The following SPATA22 variants were observed in gnomAD, a reference collection of about 807,000 sequenced individuals.
The protein encoded by SPATA22 is spermatogenesis-associated protein 22.
Under a neutral mutation model 47.8 loss-of-function variants are expected in SPATA22, and 29 were observed. The observed-to-expected ratio is 0.61, with a 90% CI of 0.45 to 0.83. The LOEUF is 0.83. Ranked by LOEUF, SPATA22 falls within the 40% of genes least tolerant of loss-of-function variation. The pLI is 0.00. For synonymous variants in SPATA22, 133 were observed against 140.9 expected (o/e 0.94, Z 0.40); for missense variants, 410 against 421.7 (o/e 0.97, Z 0.24).
chr17:3,471,761 T>C lies in SPATA22; in HGVS notation c.-153A>G. 4.1e-6 allele frequency: 4 copies of C among 985,674 alleles called. No homozygotes were observed. The highest frequency in any genetic ancestry group is 4.8e-6 in the Non-Finnish European group (4 of 830,144). The allele number at this position is 985,674 out of a possible 1,614,324, so 61.1% of individuals were successfully genotyped here. ...TTTCCCTCGCCTCCGTCAACCGTCGTCCAGGCGGCCCCGTCAGCAACCGCC... is the reference window on the plus strand; with the variant it reads ...TTTCCCTCGCCTCCGTCAACCGTCGCCCAGGCGGCCCCGTCAGCAACCGCC... On this transcript the variant is annotated 5_prime_UTR_variant, in exon 1 of 9. Transcript: ENST00000572969.
At chr17:3,479,931 G>T (rs1356151327) in intron 1 of SPATA22, among the ~76,000 whole-genome samples, 1 of 152,184 alleles carries the variant, frequency 6.6e-6, no homozygotes, top group African/African-American at 2.4e-5. Context: ...ACCATTGTGG[G>T]AAGTGGGGAG....
At chr17:3,461,857 T>C (rs2073132513) in intron 5 of SPATA22, among the ~76,000 whole-genome samples, 1 of 152,232 alleles carries the variant, frequency 6.6e-6, no homozygotes, top group South Asian at 2.1e-4. Context: ...TCCTTCTATA[T>C]TGCCATTTAT....
intron 1 of SPATA22, among the ~76,000 whole-genome samples, chr17:3,491,922 G>T (rs1326303382): frequency 3.9e-5 from 5 of 126,786 alleles, no homozygotes; most frequent in Non-Finnish European, 7.8e-5. Flanking sequence ...CTGTTGCCTA[G>T]GCTGGAGTGC....
At chr17:3,506,482 A>C (rs1160146923) in intron 1 of SPATA22, among the ~76,000 whole-genome samples, 1 of 152,212 alleles carries the variant, frequency 6.6e-6, no homozygotes, top group Non-Finnish European at 1.5e-5. Context: ...GGGGAAAAAA[A>C]TACTAAAGCC....
intron 1 of SPATA22, among the ~76,000 whole-genome samples, chr17:3,509,896 T>G (rs1428007417): frequency 6.6e-6 from 1 of 152,230 alleles, no homozygotes; most frequent in Non-Finnish European, 1.5e-5. Context: ...TGGTTTTGAT[T>G]TGCATTTCTC....
intron 1 of SPATA22, among the ~76,000 whole-genome samples, chr17:3,487,073 CGT>C (rs59690349): frequency 6.6e-6 from 1 of 150,752 alleles, no homozygotes; most frequent in African/African-American, 2.4e-5. Flanking sequence ...TGTGTGTGTG[CGT>C]GTGTGTGTGT....
At chr17:3,480,456 G>A (rs149170739) in intron 1 of SPATA22, among the ~76,000 whole-genome samples, 9 of 152,328 alleles carry the variant, frequency 5.9e-5, no homozygotes, top group South Asian at 2.1e-4. Flanking sequence ...GTCCTCTTGC[G>A]CTGAATCAGT....
At chr17:3,465,266 G>A (rs1372193689) in intron 3 of SPATA22, among the ~76,000 whole-genome samples, 22 of 148,460 alleles carry the variant, frequency 1.5e-4, no homozygotes, top group East Asian at 3.9e-4. Flanking sequence ...CCACCACCCC[G>A]TCTGGGAGGT....
intron 1 of SPATA22, among the ~76,000 whole-genome samples, chr17:3,492,350 A>G (rs1180644052): frequency 1.3e-5 from 2 of 152,230 alleles, no homozygotes; most frequent in African/African-American, 4.8e-5. Context: ...TAGCAAAAAC[A>G]TACTCCTTTG....
At position 3,485,858 on chromosome 17, in the gene SPATA22, T is replaced by C. The variant is rs1448454633; in HGVS notation, c.-73-16460A>G. The stretch of plus-strand genomic sequence containing the variant: ...AGCATTTCTGCACCATTACCCAAGC[T>C]CCAGTTCCCACAGGGTGACATAGAG... On this transcript the variant is annotated intron_variant, in intron 1 of 8. Transcript: ENST00000541913. This position sits in a 1 kb window ranked among gnomAD's most constrained non-coding sequence, Gnocchi z 4.4. 2.6e-5 allele frequency among the ~76,000 whole-genome samples: 4 copies of C among 151,712 alleles called. No individual in the cohort carries two copies. The highest frequency in any genetic ancestry group is 9.7e-5 in the African/African-American group (4 of 41,262).
intron 5 of SPATA22, among the ~76,000 whole-genome samples, chr17:3,457,739 T>C (rs971917037): frequency 1.3e-5 from 2 of 152,280 alleles, no homozygotes; most frequent in Non-Finnish European, 2.9e-5. Flanking sequence ...GTCTCTGCCA[T>C]AAATAGTGTT....
chr17:3,481,627 A>G, intron 1 of SPATA22: 4 of 1,613,762 alleles, frequency 2.5e-6, no homozygotes, highest in Non-Finnish European at 3.4e-6. Context: ...AAGATTTGCC[A>G]TATGAAGTGA....
chr17:3,483,032 TCCAAACCAAGAGG>T (rs1486133450), intron 1 of SPATA22, among the ~76,000 whole-genome samples: 22 of 148,254 alleles, frequency 1.5e-4, no homozygotes, highest in Non-Finnish European at 1.5e-5. Context: ...CACTTTGTTA[TCCAAACCAAGAGG>T]CCTGTCTTCA....
At chr17:3,458,571 G>A (rs896260874) in intron 5 of SPATA22, among the ~76,000 whole-genome samples, 5 of 151,962 alleles carry the variant, frequency 3.3e-5, no homozygotes, top group African/African-American at 2.4e-5. Flanking sequence ...GGCCAGGCAC[G>A]GTGGCTCACA....
intron 5 of SPATA22, among the ~76,000 whole-genome samples, chr17:3,451,390 A>C (rs1469780402): frequency 6.6e-6 from 1 of 152,220 alleles, no homozygotes; most frequent in Non-Finnish European, 1.5e-5. Flanking sequence ...CACTTTTAAT[A>C]ATAGATAAAT....
In SPATA22 at chr17:3,497,708, T is replaced by C. The variant is rs72825811; in HGVS notation, c.-74+15704A>G. 2.6e-3 allele frequency among the ~76,000 whole-genome samples: 403 copies of C among 152,248 alleles called. 3 individuals are homozygous for C. Among genetic ancestry groups the C allele is most frequent in the Non-Finnish European group, 2.0e-3 (139 of 68,022 alleles). On this transcript the variant is annotated intron_variant, in intron 1 of 8. Transcript: ENST00000541913. ...TTCCCAAACACTAATGTCGTGCACG[T>C]GAACGTCAAGGACCTGTTAACATGA...
At chr17:3,506,329 A>G (rs947493041) in intron 1 of SPATA22, among the ~76,000 whole-genome samples, 1 of 152,194 alleles carries the variant, frequency 6.6e-6, no homozygotes, top group Non-Finnish European at 1.5e-5. Context: ...AGTCAATGGC[A>G]CAGCCCAGAA....
At chr17:3,479,960 A>G (rs542468738) in intron 1 of SPATA22, among the ~76,000 whole-genome samples, 2 of 152,340 alleles carry the variant, frequency 1.3e-5, no homozygotes, top group African/African-American at 2.4e-5. Flanking sequence ...GGCCCATTTG[A>G]GAATGGAAGA....
chr17:3,453,872 A>C (rs2072920114), intron 5 of SPATA22, among the ~76,000 whole-genome samples: 1 of 152,190 alleles, frequency 6.6e-6, no homozygotes, highest in African/African-American at 2.4e-5. Context: ...TGGAAGTCCT[A>C]GCCAATCAAT....
Sources: gnomAD v4.1 joint callset for allele counts (sites outside exome capture counted in the v4.1 genomes callset) on GRCh38, gnomAD v4.1.1 for gene constraint, Gnocchi (gnomAD v3.1) non-coding constraint, MANE v1.5 for transcripts, NCBI Gene and HGNC (gene_info 2026-07-23, HGNC 2026-07-21) for gene names.